SENP1: variants seen among roughly 807,000 people sequenced by gnomAD.
SENP1 encodes sentrin-specific protease 1.
Under a neutral mutation model 93.0 loss-of-function variants are expected in SENP1, and 21 were observed. The observed-to-expected ratio is 0.23, with a 90% CI of 0.16 to 0.33. SENP1 has a LOEUF of 0.33. Among genes scored for constraint, SENP1 ranks in the 10% least tolerant of loss-of-function variants. The pLI is 1.00. For synonymous variants in SENP1, 256 were observed against 259.6 expected (o/e 0.99, Z 0.13); for missense variants, 591 against 758.7 (o/e 0.78, Z 2.60).
Position 48,074,385 on chromosome 12 carries a change from A to G in SENP1, c.879T>C (p.His293=). ...GCTGATGTGGAACAGAGTGGTGATG[A>G]TGGGGATGATGAAGAGTACCAGAAT... is the stretch of plus-strand genomic sequence containing the variant. ...SKDSGTLHHP[H]HHHSVPHQPD... The change falls in exon 8 of 18, where the codon CAT becomes CAC. Residue 293 remains histidine (H), a synonymous_variant. Coordinates refer to ENST00000549518, the MANE Select transcript of SENP1 (RefSeq NM_001267594.2). 2 of 1,613,860 alleles carry G rather than the reference A, an allele frequency of 1.2e-6. No homozygotes were observed. The highest frequency in any genetic ancestry group is 1.7e-6 in the Non-Finnish European group (2 of 1,179,798).
At chr12:48,063,092 G>A (rs770548267) in intron 13 of SENP1, among the ~76,000 whole-genome samples, 1 of 152,226 alleles carries the variant, frequency 6.6e-6, no homozygotes, top group Admixed American at 6.5e-5. Flanking sequence ...TTAGGCTTAG[G>A]AACAGATCAG....
chr12:48,081,768 G>T (rs2137118376), intron 6 of SENP1, among the ~76,000 whole-genome samples: 1 of 151,978 alleles, frequency 6.6e-6, no homozygotes, highest in Middle Eastern at 3.4e-3. Flanking sequence ...ATCTCACTAT[G>T]TTGCCTAGGC....
intron 1 of SENP1, 87 bp from the exon 2 acceptor site, chr12:48,101,603 A>G (rs1037907341): frequency 1.4e-5 from 10 of 697,860 alleles, no homozygotes; most frequent in Admixed American, 3.2e-5. Context: ...TAGAAGTGAC[A>G]TTTGTTTGTG....
rs772698208 is a variant in SENP1 at position 48,066,914 on chromosome 12, A to C, written c.1034+13T>G. 1.3e-6 allele frequency: 2 copies of C among 1,545,240 alleles called. No homozygotes were observed. The highest frequency in any genetic ancestry group is 1.8e-6 in the Non-Finnish European group (2 of 1,138,204). On this transcript the variant is annotated intron_variant, in intron 10 of 17. Coordinates refer to ENST00000549518, the MANE Select transcript of SENP1 (RefSeq NM_001267594.2). ...CTGATTGAGAAGGAAAAATGATACC[A>C]AAAATAACTTACAATTCTTTGATCC...
intron 12 of SENP1, among the ~76,000 whole-genome samples, chr12:48,064,626 C>T (rs73301150): frequency 3.9e-5 from 6 of 152,000 alleles, no homozygotes; most frequent in Non-Finnish European, 8.8e-5. Flanking sequence ...ATAAAATAAG[C>T]GAAAGCTGAA....
intron 1 of SENP1, chr12:48,105,524 C>CCACA (rs1946465664): frequency 9.6e-6 from 5 of 518,192 alleles, no homozygotes; most frequent in Middle Eastern, 3.2e-4. Flanking sequence ...CAGGGAGATA[C>CCACA]CACAGAGTAG....
chr12:48,048,212 G>C (rs1941518313), intron 14 of SENP1, 132 bp from the exon 15 acceptor site: 1 of 632,500 alleles, frequency 1.6e-6, no homozygotes, highest in Non-Finnish European at 2.8e-6. Flanking sequence ...CTGATATTTT[G>C]CATTATATTA....
chr12:48,065,030 C>T (rs767321661), intron 12 of SENP1, 35 bp downstream of exon 12: 4 of 1,406,130 alleles, frequency 2.8e-6, no homozygotes, highest in Middle Eastern at 2.0e-4. Flanking sequence ...AAACATGATA[C>T]TTAGTAGTGT....
intron 13 of SENP1, among the ~76,000 whole-genome samples, chr12:48,056,316 T>A (rs1383918042): frequency 2.5e-5 from 2 of 81,036 alleles, no homozygotes; most frequent in African/African-American, 1.1e-4. Flanking sequence ...ATATTACATA[T>A]CACATATATA....
chr12:48,064,956 C>T (rs935045100), intron 12 of SENP1, 109 bp downstream of exon 12: 28 of 765,692 alleles, frequency 3.7e-5, no homozygotes, highest in Middle Eastern at 4.0e-4. Context: ...GGATTACAGG[C>T]GTGAGCCACC....
At chr12:48,097,788 A>G in intron 3 of SENP1, 3 of 444,324 alleles carry the variant, frequency 6.8e-6, no homozygotes. Flanking sequence ...TACTGTTCTC[A>G]AAGAACTCAT....
chr12:48,046,922 T>C (rs888846660), intron 16 of SENP1, 56 bp downstream of exon 16: 2 of 1,184,690 alleles, frequency 1.7e-6, no homozygotes, highest in African/African-American at 1.5e-5. Context: ...AGTAAAATTC[T>C]TTCCTCCCCA....
chr12:48,050,863 C>T (rs1941749273), intron 13 of SENP1, among the ~76,000 whole-genome samples: 1 of 152,156 alleles, frequency 6.6e-6, no homozygotes, highest in Admixed American at 6.5e-5. Flanking sequence ...AGGGTAAACC[C>T]TTCAATCCAA....
intron 9 of SENP1, among the ~76,000 whole-genome samples, chr12:48,071,289 T>C (rs553730893): frequency 6.6e-6 from 1 of 152,240 alleles, no homozygotes; most frequent in African/African-American, 2.4e-5. Flanking sequence ...GTGAAAAAGC[T>C]GTGATTAAAG....
At chr12:48,094,817 T>C (rs1175590154) in intron 4 of SENP1, among the ~76,000 whole-genome samples, 1 of 152,220 alleles carries the variant, frequency 6.6e-6, no homozygotes, top group Non-Finnish European at 1.5e-5. Flanking sequence ...GCAGAGATTC[T>C]ATCCAATGGT....
intron 3 of SENP1, among the ~76,000 whole-genome samples, chr12:48,096,639 A>G (rs897663182): frequency 6.6e-6 from 1 of 152,120 alleles, no homozygotes; most frequent in African/African-American, 2.4e-5. Context: ...TATTTTTAGT[A>G]GAGACGGGGT....
At chr12:48,088,108 A>AGCAGCATGATCTCAGCTCACT (rs1945003248) in intron 5 of SENP1, among the ~76,000 whole-genome samples, 2 of 151,176 alleles carry the variant, frequency 1.3e-5, no homozygotes, top group Admixed American at 6.6e-5. Flanking sequence ...CTGGAGCTAT[A>AGCAGCATGATCTCAGCTCACT]GCAGCATGAT....
chr12:48,085,098 G>C, intron 5 of SENP1: 1 of 1,381,142 alleles, frequency 7.2e-7, no homozygotes, highest in Non-Finnish European at 1.0e-6. Flanking sequence ...AGTGATCAGA[G>C]ACAAGGACAC....
At chr12:48,046,891 G>C in intron 16 of SENP1, 87 bp downstream of exon 16, 1 of 838,740 alleles carries the variant, frequency 1.2e-6, no homozygotes, top group South Asian at 1.6e-5. Context: ...CACGAACACA[G>C]GTGGTCCCTG....
Sources: gnomAD v4.1 joint callset for allele counts (sites outside exome capture counted in the v4.1 genomes callset) on GRCh38, gnomAD v4.1.1 for gene constraint, MANE v1.5 for transcripts, NCBI Gene and HGNC (gene_info 2026-07-23, HGNC 2026-07-21) for gene names.